Variants in ALK observed in about 807,000 individuals in gnomAD.
ALK encodes ALK tyrosine kinase receptor.
Under a neutral mutation model 163.1 loss-of-function variants are expected in ALK, and 74 were observed. The observed-to-expected ratio is 0.45, with a 90% confidence interval of 0.38 to 0.55. The LOEUF is 0.55. Ranked by LOEUF, ALK falls within the 20% of genes least tolerant of loss-of-function variation. The probability of loss-of-function intolerance (pLI) is 0.00; values close to 1 mark genes in which losing one functional copy is unlikely to be tolerated. For synonymous variants in ALK, 960 were observed against 843.2 expected (o/e 1.14, Z -2.40); for missense variants, 2,063 against 2,105.3 (o/e 0.98, Z 0.39).
intron 23 of ALK, among the ~76,000 whole-genome samples, chr2:29,215,447 C>T (rs1669576899): frequency 6.6e-6 from 1 of 152,146 alleles, no homozygotes; most frequent in Admixed American, 6.5e-5. Context: ...CTACCGGTGC[C>T]TTACATGCCC....
At chr2:29,754,216 A>G (rs1680452068) in intron 1 of ALK, among the ~76,000 whole-genome samples, 1 of 152,174 alleles carries the variant, frequency 6.6e-6, no homozygotes, top group African/African-American at 2.4e-5. Flanking sequence ...GATTGGGCTC[A>G]TCAGATAAGA....
At chr2:29,912,641 T>G (rs1461858920) in intron 1 of ALK, among the ~76,000 whole-genome samples, 6 of 152,136 alleles carry the variant, frequency 3.9e-5, no homozygotes, top group Admixed American at 3.3e-4. Flanking sequence ...TATAAAGGAC[T>G]ATTTTTCTAT....
intron 1 of ALK, among the ~76,000 whole-genome samples, chr2:29,843,594 C>T (rs12621834): frequency 1.3e-5 from 2 of 151,960 alleles, no homozygotes; most frequent in South Asian, 2.1e-4. Context: ...CTGCCTGACG[C>T]TGAATTCATT....
At chr2:29,533,589 G>C (rs1256443824) in intron 3 of ALK, among the ~76,000 whole-genome samples, 1 of 152,188 alleles carries the variant, frequency 6.6e-6, no homozygotes, top group East Asian at 1.9e-4. Flanking sequence ...AGTCAGAGGG[G>C]CAGGAAGGGG....
intron 4 of ALK, among the ~76,000 whole-genome samples, chr2:29,413,658 A>G (rs1669788712): frequency 1.3e-5 from 2 of 152,100 alleles, no homozygotes; most frequent in African/African-American, 4.8e-5. Context: ...CAGCCTCCCA[A>G]GTAGCTGGGA....
intron 14 of ALK, among the ~76,000 whole-genome samples, chr2:29,233,356 A>G (rs1293169592): frequency 2.0e-5 from 3 of 152,122 alleles, no homozygotes; most frequent in African/African-American, 7.2e-5. Flanking sequence ...ATGTTGCCCA[A>G]GCTGATCGTG....
chr2:29,225,689 C>T (rs1663960008), intron 18 of ALK, 124 bp from the exon 19 acceptor site: 6 of 788,406 alleles, frequency 7.6e-6, no homozygotes, highest in Admixed American at 6.2e-5. Context: ...CGCTGGAGAC[C>T]TTGTCACACT....
At chr2:29,555,253 T>C (rs1360081209) in intron 3 of ALK, among the ~76,000 whole-genome samples, 1 of 152,054 alleles carries the variant, frequency 6.6e-6, no homozygotes, top group South Asian at 2.1e-4. Flanking sequence ...CAATTCCCCA[T>C]AGTCCCCACA....
chr2:29,702,803 G>C (rs1054682075), intron 2 of ALK, among the ~76,000 whole-genome samples: 2 of 152,224 alleles, frequency 1.3e-5, no homozygotes, highest in Non-Finnish European at 2.9e-5. Flanking sequence ...GATCTCCTGA[G>C]ATTTACTATC....
At chr2:29,379,948 A>G (rs1325360309) in intron 5 of ALK, among the ~76,000 whole-genome samples, 1 of 152,168 alleles carries the variant, frequency 6.6e-6, no homozygotes, top group Non-Finnish European at 1.5e-5. Flanking sequence ...TTATAAAGAA[A>G]AGAGGATTAA....
intron 3 of ALK, among the ~76,000 whole-genome samples, chr2:29,649,589 G>T (rs1361650119): frequency 6.6e-6 from 1 of 152,134 alleles, no homozygotes; most frequent in Non-Finnish European, 1.5e-5. Flanking sequence ...TCTCCTTGAG[G>T]AATAACCCCC....
intron 1 of ALK, among the ~76,000 whole-genome samples, chr2:29,753,113 G>A (rs985445877): frequency 2.0e-5 from 3 of 152,222 alleles, no homozygotes; most frequent in Non-Finnish European, 4.4e-5. Context: ...CACAGAAGGA[G>A]AAGAAAATAG....
intron 3 of ALK, among the ~76,000 whole-genome samples, chr2:29,569,025 G>T (rs187911510): frequency 1.3e-5 from 2 of 152,262 alleles, no homozygotes; most frequent in Admixed American, 1.3e-4. Context: ...GCTCTCTGCA[G>T]TACCCCTGTT....
At chr2:29,483,664 A>G (rs1671717259) in intron 4 of ALK, among the ~76,000 whole-genome samples, 1 of 152,218 alleles carries the variant, frequency 6.6e-6, no homozygotes, top group Non-Finnish European at 1.5e-5. Context: ...ACCTGGCTTT[A>G]TCAAGTCATT....
rs367674546 is a variant in ALK, at chr2:29,318,401, T to C, written c.1550A>G (p.His517Arg). 2.0e-5 allele frequency: 32 copies of C among 1,610,466 alleles called. No individual in the cohort carries two copies. In the African/African-American group the frequency reaches 3.1e-4, roughly 15 times the overall value. ...ATCAGTGGTACTGAGCAATAGAGCA[T>C]GGTCTAGGAGAGAGGAAAAGAATCA... Reference protein sequence around the residue: ...KDARFQDHQDHALLLSTTDVP... With the variant: ...KDARFQDHQDRALLLSTTDVP... The change falls in exon 8 of 29, where the codon CAT becomes CGT. Residue 517 changes from histidine (H) to arginine (R), a missense_variant. Physicochemically the swap from His to Arg is conservative, Grantham distance 29 (BLOSUM62 0). Coordinates refer to ENST00000389048, the MANE Select transcript of ALK (RefSeq NM_004304.5).
At chr2:29,773,319 T>C (rs1181725026) in intron 1 of ALK, among the ~76,000 whole-genome samples, 1 of 152,014 alleles carries the variant, frequency 6.6e-6, no homozygotes, top group Non-Finnish European at 1.5e-5. Flanking sequence ...CTATAAGCAA[T>C]TGCTCAGGAA....
At chr2:29,196,414 G>A (rs576933986) in intron 28 of ALK, among the ~76,000 whole-genome samples, 1 of 152,178 alleles carries the variant, frequency 6.6e-6, no homozygotes, top group South Asian at 2.1e-4. Flanking sequence ...CTCCAGCCAG[G>A]CTCTAAACTA....
intron 3 of ALK, among the ~76,000 whole-genome samples, chr2:29,678,496 TTTAA>T (rs1016401878): frequency 5.9e-5 from 9 of 151,590 alleles, no homozygotes; most frequent in African/African-American, 1.9e-4. Context: ...TATGTTTTAT[TTTAA>T]TTTTCATTCA....
At chr2:29,724,083 A>G (rs898305675) in intron 1 of ALK, among the ~76,000 whole-genome samples, 2 of 152,206 alleles carry the variant, frequency 1.3e-5, no homozygotes, top group Non-Finnish European at 2.9e-5. Flanking sequence ...TTGTGTCAGT[A>G]TAAGTAATGA....
Sources: allele counts gnomAD v4.1 joint callset (sites outside exome capture counted in the v4.1 genomes callset), GRCh38; gene constraint gnomAD v4.1.1; transcripts MANE v1.5; gene names NCBI Gene and HGNC (gene_info 2026-07-23, HGNC 2026-07-21).